LTBP1: variants seen among roughly 807,000 people sequenced by gnomAD.
LTBP1 encodes latent-transforming growth factor beta-binding protein 1.
Under a neutral mutation model 207.6 loss-of-function variants are expected in LTBP1, and 129 were observed. The ratio of observed to expected loss-of-function variants is 0.62; its 90% CI spans 0.54 to 0.72. The LOEUF is 0.72. LTBP1 is among the 30% of genes least tolerant of loss of function. The probability of loss-of-function intolerance (pLI) is 0.00; values close to 1 mark genes in which losing one functional copy is unlikely to be tolerated. For synonymous variants in LTBP1, 963 were observed against 833.7 expected, an observed-to-expected ratio of 1.16 and a Z score of -2.67; for missense variants, 2,281 against 2,217.2, an observed-to-expected ratio of 1.03 and a Z score of -0.58.
At chr2:33,103,180 G>A (rs2079838592) in intron 3 of LTBP1, among the ~76,000 whole-genome samples, 1 of 151,960 alleles carries the variant, frequency 6.6e-6, no homozygotes, top group Non-Finnish European at 1.5e-5. Flanking sequence ...TAGTCTGTAT[G>A]CTGTATGCAC....
chr2:33,376,528 A>G (rs1165455596), intron 31 of LTBP1, among the ~76,000 whole-genome samples: 1 of 152,262 alleles, frequency 6.6e-6, no homozygotes, highest in African/African-American at 2.4e-5. Context: ...CCTCTCAGTA[A>G]TGAGTCTGCC....
chr2:33,365,353 G>A lies in LTBP1; in HGVS notation c.4561G>A (p.Val1521Ile), dbSNP rs2094972752. The change falls in exon 31 of 34, where the codon GTC (valine) becomes ATC (isoleucine). Residue 1521 changes from valine to isoleucine, a missense_variant. Coordinates refer to ENST00000404816, the MANE Select transcript of LTBP1 (RefSeq NM_206943.4). ...TTCAGAACAAATAGAAGAAACTGAT[G>A]TCTACCAAGATTTGTGCTGGGAACA... The part of the protein sequence containing the change: ...ESNEQIEETD[V>I]YQDLCWEHLS... 1.9e-6 allele frequency: 3 copies of A among 1,614,154 alleles called. No homozygotes were observed. The highest frequency in any genetic ancestry group is 2.5e-6 in the Non-Finnish European group (3 of 1,180,004).
At chr2:33,317,612 T>A (rs1174983864) in intron 24 of LTBP1, 7 of 152,232 alleles carry the variant, frequency 4.6e-5, no homozygotes, top group Non-Finnish European at 1.5e-5. Context: ...AATTTAGCAA[T>A]GGAGCAGTTG....
Position 33,188,666 on chromosome 2 carries a change from C to T in LTBP1, c.1516C>T (p.Pro506Ser), listed in dbSNP as rs370341339. ...QIHQVSRIDG[P>S]TGQKTKEAQP... ...ACATCAGGTTTCAAGAATTGATGGC[C>T]CAACAGGCCAGAAGACAAAAGAAGC... is the stretch of plus-strand genomic sequence containing the variant. Residue 506 changes from proline (P) to serine (S), a missense_variant, in exon 7 of 34, where the codon CCA becomes TCA. Physicochemically the swap from Pro to Ser is moderately conservative, Grantham distance 74. Transcript: ENST00000404816. 5.0e-5 allele frequency: 80 copies of T among 1,613,956 alleles called. No individual in the cohort carries two copies. Among genetic ancestry groups the T allele is most frequent in the Non-Finnish European group, 6.3e-5 (74 of 1,180,032 alleles).
intron 20 of LTBP1, among the ~76,000 whole-genome samples, chr2:33,299,290 A>G (rs892294946): frequency 6.6e-6 from 1 of 152,124 alleles, no homozygotes; most frequent in Admixed American, 6.5e-5. Context: ...GTAATTGTCA[A>G]TAATACTTGA....
chr2:33,197,136 G>A (rs556399139), intron 7 of LTBP1, among the ~76,000 whole-genome samples: 2 of 152,300 alleles, frequency 1.3e-5, no homozygotes, highest in East Asian at 3.9e-4. Flanking sequence ...GAATTAGGCT[G>A]TCTATATAGG....
chr2:33,172,839 G>C (rs2148470664), intron 5 of LTBP1, among the ~76,000 whole-genome samples: 1 of 152,192 alleles, frequency 6.6e-6, no homozygotes, highest in East Asian at 1.9e-4. Flanking sequence ...TAGAACTCAG[G>C]ATTAAGAAAC....
chr2:33,024,685 G>A (rs780163742), intron 3 of LTBP1, among the ~76,000 whole-genome samples: 3 of 152,166 alleles, frequency 2.0e-5, no homozygotes, highest in Non-Finnish European at 4.4e-5. Context: ...CTTAGAGAAG[G>A]TGTCTGTGAA....
chr2:32,990,536 C>T (rs1006211052), intron 2 of LTBP1, among the ~76,000 whole-genome samples: 1 of 152,110 alleles, frequency 6.6e-6, no homozygotes, highest in South Asian at 2.1e-4. Flanking sequence ...TATTTACTTA[C>T]GTTGTTTACA....
At position 33,134,824 on chromosome 2, in the gene LTBP1, C is replaced by A. The variant is rs1386100218; in HGVS notation, c.1065C>A (p.Val355=). 4 of 1,613,972 alleles carry A rather than the reference C, an allele frequency of 2.5e-6. No homozygotes were observed. In the African/African-American group the frequency reaches 5.3e-5, roughly 22 times the overall value. Residue 355 remains valine (V), a synonymous_variant, in exon 5 of 34, where the codon GTC becomes GTA. Transcript: ENST00000404816. This position sits in a 1 kb window ranked among gnomAD's most constrained non-coding sequence, Gnocchi z 4.4. ...ACCACACTGGCCGCATCAAGGTGGT[C>A]TTTACTCCGAGCATCTGTAAAGTGA... ...LSNHTGRIKV[V]FTPSICKVTC...
intron 4 of LTBP1, among the ~76,000 whole-genome samples, chr2:33,129,530 T>G (rs2150513749): frequency 6.6e-6 from 1 of 152,370 alleles, no homozygotes; most frequent in Non-Finnish European, 1.5e-5. Flanking sequence ...CATAATATGT[T>G]GTGAAATTTT....
chr2:33,396,720 C>T lies in LTBP1; in HGVS notation c.4835-413C>T, dbSNP rs115760544. Among the ~76,000 whole-genome samples the T allele has an allele frequency of 9.8e-3, 1,491 of 152,290 alleles. 16 individuals are homozygous for T. Among genetic ancestry groups the T allele is most frequent in the African/African-American group, 0.034 (1,407 of 41,546 alleles). ...GAAAACGTATTGCCTCACACTCTTA[C>T]GGACCTTCTTAGCAAATGCTTACTA... On this transcript the variant is annotated intron_variant, in intron 32 of 33. Transcript: ENST00000404816.
chr2:33,332,672 T>A (rs2094510120), intron 24 of LTBP1, among the ~76,000 whole-genome samples: 1 of 151,990 alleles, frequency 6.6e-6, no homozygotes, highest in Non-Finnish European at 1.5e-5. Flanking sequence ...TTCTCCTGCC[T>A]CAGCCTCCCA....
intron 3 of LTBP1, among the ~76,000 whole-genome samples, chr2:33,058,835 GA>G (rs1176817149): frequency 6.6e-6 from 1 of 152,154 alleles, no homozygotes; most frequent in Non-Finnish European, 1.5e-5. Flanking sequence ...TGTCGCAGGA[GA>G]AAAAACATTG....
rs2095380059 is a variant in LTBP1, at chr2:33,398,478, A to C, written c.5099A>C (p.Asp1700Ala). Residue 1700 changes from aspartate (D) to alanine (A), a missense_variant, in exon 34 of 34, where the codon GAC (aspartate) becomes GCC (alanine). By Grantham distance (126) the Asp-to-Ala change is moderately radical. This residue lies in a region of LTBP1 where 1,671 missense variants were observed against 1,634.8 expected (regional missense o/e 1.02). Transcript: ENST00000404816. Reference sequence around the variant, plus strand: ...TGTCTGCCAGGCTACGTGCCTTCTGACAAGCCAAACTACTGCACTCCGTTG... The same window carrying C: ...TGTCTGCCAGGCTACGTGCCTTCTGCCAAGCCAAACTACTGCACTCCGTTG... ...CLCLPGYVPS[D>A]KPNYCTPLNT... is the part of the protein sequence containing the mutation. 6.2e-7 allele frequency: 1 copy of C among 1,614,106 alleles called. No homozygotes were observed. Among genetic ancestry groups the C allele is most frequent in the South Asian group, 1.1e-5 (1 of 91,086 alleles).
intron 4 of LTBP1, among the ~76,000 whole-genome samples, chr2:33,126,045 C>G (rs1038383824): frequency 4.6e-5 from 7 of 152,060 alleles, no homozygotes; most frequent in Non-Finnish European, 1.0e-4. Flanking sequence ...ACTCATGTGA[C>G]TGTTGGCAGG....
intron 15 of LTBP1, among the ~76,000 whole-genome samples, chr2:33,272,318 C>T (rs2093338403): frequency 6.6e-6 from 1 of 152,188 alleles, no homozygotes; most frequent in Admixed American, 6.5e-5. Context: ...CTCATTCAAA[C>T]CACAGACCTC....
At chr2:33,083,782 C>G (rs2078586994) in intron 3 of LTBP1, among the ~76,000 whole-genome samples, 1 of 152,150 alleles carries the variant, frequency 6.6e-6, no homozygotes, top group Non-Finnish European at 1.5e-5. Flanking sequence ...ATGGGAAGCT[C>G]TAGAGGTCGA....
At chr2:33,271,870 A>G (rs1399942509) in intron 15 of LTBP1, among the ~76,000 whole-genome samples, 2 of 152,128 alleles carry the variant, frequency 1.3e-5, no homozygotes, top group African/African-American at 2.4e-5. Context: ...ATTGCCAGTC[A>G]CTTAAGTTTA....
Sources: gnomAD v4.1 joint callset for allele counts (sites outside exome capture counted in the v4.1 genomes callset) on GRCh38, gnomAD v4.1.1 for gene constraint, gnomAD v4.1.1 regional missense constraint, Gnocchi (gnomAD v3.1) non-coding constraint, MANE v1.5 for transcripts, NCBI Gene and HGNC (gene_info 2026-07-23, HGNC 2026-07-21) for gene names.